Variants in FBXO25 observed in about 807,000 individuals in gnomAD.
The protein encoded by FBXO25 is F-box only protein 25.
FBXO25 carries 45 observed loss-of-function variants against 51.9 expected under a neutral mutation model. That is an observed-to-expected ratio of 0.87 (90% CI 0.68 to 1.11). The LOEUF (loss-of-function observed/expected upper bound fraction) is 1.11. FBXO25 is among the 50% of genes most tolerant of loss of function. FBXO25 has a pLI of 0.00. For missense variants in FBXO25, 507 were observed against 428.5 expected (o/e 1.18, Z -1.62); for synonymous variants, 199 against 151.0 (o/e 1.32, Z -2.33).
chr8:414,668 C>T (rs982571278), intron 2 of FBXO25, among the ~76,000 whole-genome samples: 10 of 152,124 alleles, frequency 6.6e-5, no homozygotes, highest in African/African-American at 1.7e-4. Flanking sequence ...GCATAACTGG[C>T]TACCCCTCTG....
At chr8:416,022 A>G (rs543377776) in intron 2 of FBXO25, among the ~76,000 whole-genome samples, 2 of 152,186 alleles carry the variant, frequency 1.3e-5, no homozygotes, top group African/African-American at 2.4e-5. Flanking sequence ...AACATAACGC[A>G]TTCAGCTCAG....
At chr8:426,920 A>G (rs1797524554) in intron 2 of FBXO25, among the ~76,000 whole-genome samples, 2 of 152,066 alleles carry the variant, frequency 1.3e-5, no homozygotes, top group South Asian at 2.1e-4. Flanking sequence ...GGAAATGTTA[A>G]TGCTAAAAAT....
At chr8:411,139 A>T (rs978575004) in intron 1 of FBXO25, among the ~76,000 whole-genome samples, 4 of 152,210 alleles carry the variant, frequency 2.6e-5, no homozygotes, top group African/African-American at 9.7e-5. Context: ...TCTATATTAT[A>T]AAATACTCAA....
intron 2 of FBXO25, among the ~76,000 whole-genome samples, chr8:430,454 T>C (rs1473560367): frequency 6.6e-6 from 1 of 152,158 alleles, no homozygotes; most frequent in Non-Finnish European, 1.5e-5. Flanking sequence ...TTTTTTTTTT[T>C]AATAAAAGTG....
rs1251152352 is a variant in FBXO25, at chr8:471,752, A to T, written c.*2948A>T. ...ATGAATACACACAAATTGGAAAGCC[A>T]TGCAGTAGCCTCTCAGGAGCAGACC... On this transcript the variant is annotated 3_prime_UTR_variant, in exon 10 of 10. Transcript: ENST00000350302. The T allele has an allele frequency of 6.6e-6, 1 of 152,240 alleles. No homozygotes were observed. Among genetic ancestry groups the T allele is most frequent in the Non-Finnish European group, 1.5e-5 (1 of 68,052 alleles). The allele number at this position is 152,240 out of a possible 1,614,324, so 9.4% of individuals were successfully genotyped here.
chr8:423,742 A>G (rs1797297972), intron 2 of FBXO25, among the ~76,000 whole-genome samples: 1 of 152,218 alleles, frequency 6.6e-6, no homozygotes, highest in Non-Finnish European at 1.5e-5. Flanking sequence ...TTAATAGTGC[A>G]GCGATGAACA....
At chr8:466,464 A>T (rs962405039) in intron 9 of FBXO25, among the ~76,000 whole-genome samples, 1 of 152,192 alleles carries the variant, frequency 6.6e-6, no homozygotes, top group African/African-American at 2.4e-5. Context: ...GGTTAGGGTC[A>T]CTGCTTGTTC....
At chr8:439,253 GCAGCCAGGAGGTGGCTTCTGA>G (rs1336071307) in intron 5 of FBXO25, among the ~76,000 whole-genome samples, 1 of 152,328 alleles carries the variant, frequency 6.6e-6, no homozygotes, top group African/African-American at 2.4e-5. Context: ...CGCCCCTCTG[GCAGCCAGGAGGTGGCTTCTGA>G]CAGCCAGGCA....
chr8:465,284 A>C (rs1052799176), intron 9 of FBXO25, among the ~76,000 whole-genome samples: 1 of 152,226 alleles, frequency 6.6e-6, no homozygotes, highest in Non-Finnish European at 1.5e-5. Context: ...CTTCAGTCAC[A>C]GAGTAAGAGT....
At chr8:434,898 T>A (rs1798010493) in intron 4 of FBXO25, among the ~76,000 whole-genome samples, 1 of 152,200 alleles carries the variant, frequency 6.6e-6, no homozygotes, top group South Asian at 2.1e-4. Context: ...TTCCTTCAGT[T>A]CTTGGACCTG....
intron 3 of FBXO25, among the ~76,000 whole-genome samples, chr8:431,724 G>A (rs1194112024): frequency 1.3e-5 from 2 of 152,218 alleles, no homozygotes; most frequent in Non-Finnish European, 2.9e-5. Context: ...GTCTTGAGCA[G>A]TGAGGCCAAA....
intron 8 of FBXO25, among the ~76,000 whole-genome samples, chr8:462,154 C>T (rs1481615965): frequency 6.6e-6 from 1 of 152,168 alleles, no homozygotes; most frequent in East Asian, 1.9e-4. Context: ...CTCCCCAGTG[C>T]TTCTCATTAT....
At chr8:435,557 T>C in intron 4 of FBXO25, 58 bp from the exon 5 acceptor site, 4 of 1,576,250 alleles carry the variant, frequency 2.5e-6, no homozygotes, top group Non-Finnish European at 3.4e-6. Context: ...TAATTGACAT[T>C]AACTGCCAAT....
rs1285764396 is a variant in FBXO25, at chr8:418,269, AC to A, written c.134+5057del. Among the ~76,000 whole-genome samples, 3 of 151,966 alleles carry A rather than the reference AC, an allele frequency of 2.0e-5. No individual in the cohort carries two copies. In the South Asian group the frequency reaches 6.2e-4, roughly 32 times the overall value. On this transcript the variant is annotated intron_variant, in intron 2 of 9. Transcript: ENST00000350302. ...CTTTAACTAGTTTGGTGGGCAAAAA[AC>A]ATTAGACATTTTATTTCTTTTCCTT...
At chr8:422,928 A>G (rs1797241623) in intron 2 of FBXO25, among the ~76,000 whole-genome samples, 1 of 152,118 alleles carries the variant, frequency 6.6e-6, no homozygotes, top group African/African-American at 2.4e-5. Context: ...CTGTACTTAA[A>G]AGTCTATTCT....
chr8:432,900 A>G lies in FBXO25; in HGVS notation c.253A>G (p.Lys85Glu), dbSNP rs372353767. The part of the protein sequence containing the change: ...DTNTQSFYRE[K>E]WIYVHKESTK... ...TTTTATTCTAGGTTTTTATCGTGAA[A>G]AATGGATCTATGTCCATAAAGAAAG... Residue 85 changes from lysine to glutamate, a missense_variant, in exon 4 of 10, where the codon AAA becomes GAA. Coordinates refer to ENST00000350302, the MANE Select transcript of FBXO25 (RefSeq NM_183420.2). The G allele has an allele frequency of 3.9e-6, 6 of 1,555,266 alleles. No homozygotes were observed. The African/African-American group carries it at 8.3e-5, about 22-fold the overall frequency.
intron 8 of FBXO25, among the ~76,000 whole-genome samples, chr8:459,115 T>C (rs1043824565): frequency 6.6e-6 from 1 of 152,222 alleles, no homozygotes; most frequent in African/African-American, 2.4e-5. Flanking sequence ...CTGTGGTCCC[T>C]GTTCCTGGGC....
chr8:440,751 C>T (rs188674052), intron 5 of FBXO25, among the ~76,000 whole-genome samples: 11,931 of 151,628 alleles, frequency 0.079, 535 homozygotes, highest in African/African-American at 0.14. Context: ...CCCCACCCCC[C>T]GACAGGCCCT....
intron 5 of FBXO25, among the ~76,000 whole-genome samples, chr8:441,899 A>T (rs1170437054): frequency 6.6e-6 from 1 of 152,216 alleles, no homozygotes; most frequent in Non-Finnish European, 1.5e-5. Flanking sequence ...GAATGCTTTT[A>T]CACTGTTGGT....
Sources: allele counts gnomAD v4.1 joint callset (sites outside exome capture counted in the v4.1 genomes callset), GRCh38; gene constraint gnomAD v4.1.1; transcripts MANE v1.5; gene names NCBI Gene and HGNC (gene_info 2026-07-23, HGNC 2026-07-21).